RAD51B: variants seen among roughly 807,000 people sequenced by gnomAD.
RAD51B encodes the protein RAD51 paralog B, also known as DNA repair protein RAD51 homolog 2.
In RAD51B, 38 loss-of-function variants were observed where a neutral mutation model predicts 42.2. The observed-to-expected ratio is 0.90, with a 90% CI of 0.70 to 1.18. RAD51B has a LOEUF of 1.18. Among genes scored for constraint, RAD51B ranks in the 50% most tolerant of loss-of-function variants. RAD51B has a pLI of 0.00. For missense variants in RAD51B, 373 were observed against 400.7 expected (o/e 0.93, Z 0.59); for synonymous variants, 154 against 145.2 (o/e 1.06, Z -0.43).
intron 9 of RAD51B, among the ~76,000 whole-genome samples, chr14:68,456,924 T>G (rs952562578): frequency 8.9e-6 from 1 of 112,220 alleles, no homozygotes; most frequent in Non-Finnish European, 1.7e-5. Flanking sequence ...TTTTTTTTGC[T>G]TTTTTTGAGA....
At chr14:67,846,930 A>T (rs187114408) in intron 4 of RAD51B, among the ~76,000 whole-genome samples, 264 of 151,492 alleles carry the variant, frequency 1.7e-3, no homozygotes, top group African/African-American at 6.2e-3. Context: ...CTCTCTAAGC[A>T]CCTCTCCCAG....
At chr14:68,117,699 A>G (rs2140615734) in intron 7 of RAD51B, among the ~76,000 whole-genome samples, 1 of 152,330 alleles carries the variant, frequency 6.6e-6, no homozygotes, top group Non-Finnish European at 1.5e-5. Flanking sequence ...CTTTTCTTTT[A>G]CTTACTGAGT....
intron 7 of RAD51B, chr14:68,000,323 A>G (rs1314326637): frequency 6.6e-6 from 1 of 152,122 alleles, no homozygotes; most frequent in Non-Finnish European, 1.5e-5. Context: ...GGTAACTTCC[A>G]TATTTTTCTT....
intron 10 of RAD51B, among the ~76,000 whole-genome samples, chr14:68,517,029 T>A (rs1256654073): frequency 6.6e-6 from 1 of 152,242 alleles, no homozygotes; most frequent in Non-Finnish European, 1.5e-5. Context: ...GCCTGTCAAA[T>A]AACCAAATCT....
intron 4 of RAD51B, among the ~76,000 whole-genome samples, chr14:67,854,331 A>G (rs1462311220): frequency 6.6e-6 from 1 of 152,250 alleles, no homozygotes; most frequent in African/African-American, 2.4e-5. Flanking sequence ...AGGTAAAATT[A>G]AAGTTATATT....
intron 10 of RAD51B, 89 bp from the exon 11 acceptor site, chr14:68,477,559 A>C: frequency 7.0e-6 from 10 of 1,436,278 alleles, no homozygotes; most frequent in Non-Finnish European, 9.5e-6. Flanking sequence ...GTTGGAGGAA[A>C]GTTCCATTTA....
At chr14:68,594,955 G>A in exon 11 of RAD51B, 1 of 1,081,264 alleles carries the variant, frequency 9.2e-7, no homozygotes, top group Non-Finnish European at 1.1e-6. Context: ...GGTGAACTAA[G>A]GCACCCCGCC....
intron 10 of RAD51B, among the ~76,000 whole-genome samples, chr14:68,632,769 A>G (rs1031169674): frequency 1.8e-4 from 28 of 151,884 alleles, no homozygotes; most frequent in Non-Finnish European, 1.5e-5. Context: ...ACTCAGCGCA[A>G]TGACCAGTGG....
intron 10 of RAD51B, among the ~76,000 whole-genome samples, chr14:68,588,116 G>T (rs1276027211): frequency 6.6e-6 from 1 of 152,174 alleles, no homozygotes; most frequent in Non-Finnish European, 1.5e-5. Context: ...ACATATGGGT[G>T]CGTTCATCCC....
At chr14:68,474,108 T>G (rs370541522) in intron 10 of RAD51B, among the ~76,000 whole-genome samples, 3 of 152,328 alleles carry the variant, frequency 2.0e-5, no homozygotes, top group East Asian at 3.8e-4. Context: ...TGCTACCCAC[T>G]CCCCTACTTA....
At chr14:68,587,623 C>A (rs1010532549) in intron 10 of RAD51B, among the ~76,000 whole-genome samples, 1 of 152,216 alleles carries the variant, frequency 6.6e-6, no homozygotes, top group South Asian at 2.1e-4. Flanking sequence ...TCCATCCCCC[C>A]CGAGATCCAG....
At chr14:68,024,259 A>G (rs187185384) in intron 7 of RAD51B, among the ~76,000 whole-genome samples, 64 of 152,278 alleles carry the variant, frequency 4.2e-4, no homozygotes, top group Admixed American at 4.1e-3. Context: ...TACAGTTTGA[A>G]GTCAATTAGT....
intron 8 of RAD51B, among the ~76,000 whole-genome samples, chr14:68,344,595 A>C (rs1401021643): frequency 2.3e-4 from 32 of 137,196 alleles, no homozygotes; most frequent in Middle Eastern, 5.0e-3. Context: ...TGCAGTGAGC[A>C]AAGATCACGC....
chr14:68,483,760 G>A (rs576722207), intron 10 of RAD51B, among the ~76,000 whole-genome samples: 1 of 152,286 alleles, frequency 6.6e-6, no homozygotes, highest in South Asian at 2.1e-4. Context: ...GCCTCCATGT[G>A]TTTTCAGTCA....
chr14:68,001,060 A>C (rs1404960931), intron 7 of RAD51B, among the ~76,000 whole-genome samples: 1 of 152,120 alleles, frequency 6.6e-6, no homozygotes, highest in Non-Finnish European at 1.5e-5. Context: ...ACAAATCATA[A>C]TTTGGTTAGA....
chr14:68,017,827 T>G (rs2140342849), intron 7 of RAD51B, among the ~76,000 whole-genome samples: 1 of 152,026 alleles, frequency 6.6e-6, no homozygotes, highest in East Asian at 1.9e-4. Flanking sequence ...AAAAATTAGC[T>G]GAGTGTGGTG....
chr14:68,003,886 C>A (rs2065517383), intron 7 of RAD51B, among the ~76,000 whole-genome samples: 1 of 152,090 alleles, frequency 6.6e-6, no homozygotes, highest in African/African-American at 2.4e-5. Flanking sequence ...GGTGGATAAA[C>A]TTTTTGATGT....
chr14:68,152,965 G>C (rs2078421756), intron 7 of RAD51B, among the ~76,000 whole-genome samples: 1 of 152,160 alleles, frequency 6.6e-6, no homozygotes, highest in East Asian at 1.9e-4. Flanking sequence ...GTATTCCATA[G>C]TGTATATATA....
At chr14:67,976,844 A>G (rs2075004758) in intron 7 of RAD51B, among the ~76,000 whole-genome samples, 1 of 152,230 alleles carries the variant, frequency 6.6e-6, no homozygotes, top group Admixed American at 6.5e-5. Flanking sequence ...TCCAGAATCT[A>G]CAATGAACTC....
Sources: gnomAD v4.1 joint callset for allele counts (sites outside exome capture counted in the v4.1 genomes callset) on GRCh38, gnomAD v4.1.1 for gene constraint, MANE v1.5 for transcripts, NCBI Gene and HGNC (gene_info 2026-07-23, HGNC 2026-07-21) for gene names.